ACOT9: variants seen among roughly 807,000 people sequenced by gnomAD.
ACOT9 encodes the protein acyl-CoA thioesterase 9, also known as acyl-coenzyme A thioesterase 9, mitochondrial.
In ACOT9, 34 loss-of-function variants were observed where a neutral mutation model predicts 39.7. The ratio of observed to expected loss-of-function variants is 0.86; its 90% confidence interval spans 0.65 to 1.14. ACOT9 has a LOEUF of 1.14. Ranked by LOEUF, ACOT9 falls within the 50% of genes most tolerant of loss-of-function variation. The pLI, the probability that ACOT9 is intolerant of heterozygous loss-of-function variation, is 0.00. For synonymous variants in ACOT9, 110 were observed against 120.5 expected, an observed-to-expected ratio of 0.91 and a Z score of 0.57; for missense variants, 313 against 344.1, an observed-to-expected ratio of 0.91 and a Z score of 0.71.
chrX:23,736,101 G>A, intron 1 of ACOT9, 85 bp from the exon 2 acceptor site: 1 of 734,238 alleles, frequency 1.4e-6, no homozygotes, highest in Non-Finnish European at 2.0e-6. Context: ...CAGAGTATCT[G>A]GCCATATCAC....
chrX:23,735,849 T>C, intron 2 of ACOT9, 70 bp downstream of exon 2: 1 of 972,858 alleles, frequency 1.0e-6, no homozygotes, highest in South Asian at 2.1e-5. Flanking sequence ...TATCACTCTA[T>C]ATACCTTTCA....
chrX:23,726,861 C>T (rs1929544820), intron 6 of ACOT9, among the ~76,000 whole-genome samples: 1 of 111,548 alleles, frequency 9.0e-6, no homozygotes, highest in South Asian at 3.7e-4. Flanking sequence ...CAGAGTCTCG[C>T]TCTGTTGTCC....
At chrX:23,712,108 T>C (rs1418440336) in intron 9 of ACOT9, among the ~76,000 whole-genome samples, 1 of 111,496 alleles carries the variant, frequency 9.0e-6, no homozygotes, top group Non-Finnish European at 1.9e-5. Context: ...TTTAAGAGAT[T>C]GCACAACTCA....
chrX:23,728,164 C>G (rs1245749899), intron 6 of ACOT9, among the ~76,000 whole-genome samples: 2 of 110,787 alleles, frequency 1.8e-5, no homozygotes, highest in Non-Finnish European at 3.8e-5. Context: ...ATATTAGAAC[C>G]CTTTTTCAGA....
chrX:23,705,534 C>A lies in ACOT9; in HGVS notation c.994G>T (p.Ala332Ser), dbSNP rs769386063. The A allele has an allele frequency of 1.7e-6, 2 of 1,210,836 alleles. No homozygotes were observed. Among genetic ancestry groups the A allele is most frequent in the Non-Finnish European group, 1.1e-6 (1 of 894,955 alleles). The change falls in exon 13 of 16, where the codon GCG becomes TCG. Residue 332 changes from alanine to serine, a missense_variant. Ala to Ser is a moderately conservative substitution (Grantham distance 99). Coordinates refer to ENST00000379303, the MANE Select transcript of ACOT9 (RefSeq NM_001037171.2). ...CCAAAGCTACAAGCAGTAGCCCACGCAAGTTCATATGCCTTCCTCATAAGG... is the reference window on the plus strand; with the variant it reads ...CCAAAGCTACAAGCAGTAGCCCACGAAAGTTCATATGCCTTCCTCATAAGG... The part of the protein sequence containing the change: ...GFLMRKAYEL[A>S]WATACSFGGS...
intron 6 of ACOT9, among the ~76,000 whole-genome samples, chrX:23,730,043 T>C (rs1569196809): frequency 2.7e-5 from 3 of 109,877 alleles, no homozygotes; most frequent in Non-Finnish European, 5.7e-5. Flanking sequence ...TAAATAGGAA[T>C]CTACATTTAT....
At chrX:23,705,465 T>TA in intron 13 of ACOT9, 44 bp downstream of exon 13, 2 of 1,046,560 alleles carry the variant, frequency 1.9e-6, no homozygotes, top group Non-Finnish European at 1.3e-6. Flanking sequence ...TGGGGTGATA[T>TA]AAATTGCTTC....
chrX:23,701,451 G>T lies in ACOT9; in HGVS notation c.*2443C>A, dbSNP rs1928482672. 9.0e-6 allele frequency among the ~76,000 whole-genome samples: 1 copy of T among 110,923 alleles called. No individual in the cohort carries two copies. Among genetic ancestry groups the T allele is most frequent in the Non-Finnish European group, 1.9e-5 (1 of 53,000 alleles). ...CATGCCAGAGGTGCTTGTTGACACT[G>T]TGATTTCAATAAACATTACATAAAC... On this transcript the variant is annotated 3_prime_UTR_variant, in exon 16 of 16. Coordinates refer to ENST00000379303, the MANE Select transcript of ACOT9 (RefSeq NM_001037171.2).
chrX:23,742,100 C>T (rs985696617), intron 1 of ACOT9, among the ~76,000 whole-genome samples: 11 of 110,787 alleles, frequency 9.9e-5, no homozygotes, highest in African/African-American at 3.6e-4. Flanking sequence ...CTCATAATGA[C>T]TTTCAGTCTG....
At chrX:23,709,015 T>G (rs936438376) in intron 9 of ACOT9, among the ~76,000 whole-genome samples, 3 of 112,310 alleles carry the variant, frequency 2.7e-5, no homozygotes, top group African/African-American at 9.7e-5. Context: ...GCATCAAATT[T>G]TTTGAAATAA....
chrX:23,737,962 G>A lies in ACOT9; in HGVS notation c.21-1946C>T, dbSNP rs757426372. Among the ~76,000 whole-genome samples, 220 of 105,186 alleles carry A rather than the reference G, an allele frequency of 2.1e-3. 2 individuals are homozygous for A. The highest frequency in any genetic ancestry group is 7.2e-3 in the African/African-American group (206 of 28,437). 91.3% of individuals were successfully genotyped at this position (105,186 alleles called of 115,157 possible). A position where few individuals can be genotyped will look rare whatever the true frequency, so the allele number is the denominator to read the frequency against. On this transcript the variant is annotated intron_variant, in intron 1 of 15. Transcript: ENST00000379303. ...CGGCTCACTGCAAGCTCTGCCTCCCGGGTTCACGCCATTCTCCTGCCTCAA... is the reference window on the plus strand; with the variant it reads ...CGGCTCACTGCAAGCTCTGCCTCCCAGGTTCACGCCATTCTCCTGCCTCAA...
chrX:23,720,675 T>G (rs1323950527), intron 8 of ACOT9, among the ~76,000 whole-genome samples: 3 of 111,341 alleles, frequency 2.7e-5, no homozygotes, highest in African/African-American at 9.8e-5. Flanking sequence ...GCTGACACCT[T>G]GATTTTGGAT....
rs777446994 is a variant in ACOT9 at position 23,731,511 on chromosome X, T to C, written c.192-525A>G. ...AAAAAAAGAAAACTTAAAACTGATA[T>C]AGATATACCCAAATGAGCCATATAT... On this transcript the variant is annotated intron_variant, in intron 4 of 15. Transcript: ENST00000379303. Among the ~76,000 whole-genome samples, 126 of 107,719 alleles carry C rather than the reference T, an allele frequency of 1.2e-3. 1 individual carries two copies. The highest frequency in any genetic ancestry group is 2.6e-3 in the Admixed American group (26 of 9,824). The allele number at this position is 107,719 out of a possible 115,157, so 93.5% of individuals were successfully genotyped here. A position where few individuals can be genotyped will look rare whatever the true frequency, so the allele number is the denominator to read the frequency against.
At chrX:23,713,060 A>C (rs1286191422) in intron 9 of ACOT9, 75 bp downstream of exon 9, 21 of 873,337 alleles carry the variant, frequency 2.4e-5, no homozygotes, top group Non-Finnish European at 3.3e-5. Flanking sequence ...ATGGACATTC[A>C]TTATAGTTTT....
intron 4 of ACOT9, 41 bp downstream of exon 4, chrX:23,733,131 C>A: frequency 8.5e-7 from 1 of 1,171,688 alleles, no homozygotes; most frequent in Admixed American, 2.2e-5. Context: ...TAGTATAATA[C>A]CTTGGGGATG....
intron 4 of ACOT9, among the ~76,000 whole-genome samples, chrX:23,732,903 A>G (rs1929807832): frequency 8.9e-6 from 1 of 112,127 alleles, no homozygotes; most frequent in Non-Finnish European, 1.9e-5. Flanking sequence ...GCACGTCACA[A>G]GTTTTGTTAT....
intron 10 of ACOT9, 45 bp from the exon 11 acceptor site, chrX:23,706,784 T>A: frequency 2.5e-6 from 2 of 788,868 alleles, no homozygotes; most frequent in Non-Finnish European, 3.7e-6. Flanking sequence ...ACGGTCGCAC[T>A]ACAGCACACG....
At position 23,733,136 on chromosome X, in the gene ACOT9, G is replaced by A. The variant is rs141151098; in HGVS notation, c.191+36C>T. ...AAATACAGTGTAGTATAATACCTTG[G>A]GGATGAAAAGAATGAATGAAAACAA... is the stretch of plus-strand genomic sequence containing the variant. On this transcript the variant is annotated intron_variant, in intron 4 of 15. Coordinates refer to ENST00000379303, the MANE Select transcript of ACOT9 (RefSeq NM_001037171.2). 6.7e-4 allele frequency: 787 copies of A among 1,179,237 alleles called. 2 individuals carry two copies. The African/African-American group carries it at 0.012, about 18-fold the overall frequency.
chrX:23,713,547 T>TAA (rs1299622641), intron 8 of ACOT9, among the ~76,000 whole-genome samples: 8 of 60,623 alleles, frequency 1.3e-4, no homozygotes, highest in Non-Finnish European at 1.9e-4. Flanking sequence ...GGCCCCTGTC[T>TAA]AAAAAAAAAA....
Sources: allele counts gnomAD v4.1 joint callset (sites outside exome capture counted in the v4.1 genomes callset), GRCh38; gene constraint gnomAD v4.1.1; transcripts MANE v1.5; gene names NCBI Gene and HGNC (gene_info 2026-07-23, HGNC 2026-07-21).